The following TGFBR3 variants were observed in gnomAD, a reference collection of about 807,000 sequenced individuals.
TGFBR3 encodes the protein transforming growth factor beta receptor 3, also known as transforming growth factor beta receptor type 3.
A neutral mutation model predicts 87.9 loss-of-function variants in TGFBR3; 46 were observed. The observed-to-expected ratio is 0.52, with a 90% CI of 0.41 to 0.67. The LOEUF is 0.67. TGFBR3 is among the 30% of genes least tolerant of loss of function. The probability of loss-of-function intolerance (pLI) is 0.00; values close to 1 mark genes in which losing one functional copy is unlikely to be tolerated. For synonymous variants in TGFBR3, 381 were observed against 391.6 expected (o/e 0.97, Z 0.32); for missense variants, 866 against 1,041.9 (o/e 0.83, Z 2.32).
chr1:91,689,455 G>A (rs943754322), intron 16 of TGFBR3, among the ~76,000 whole-genome samples: 3 of 152,126 alleles, frequency 2.0e-5, no homozygotes, highest in South Asian at 2.1e-4. Context: ...CTAGAATAGC[G>A]TTGGCATTTA....
intron 7 of TGFBR3, among the ~76,000 whole-genome samples, chr1:91,723,641 G>A (rs1038558803): frequency 6.6e-6 from 1 of 152,124 alleles, no homozygotes; most frequent in Non-Finnish European, 1.5e-5. Flanking sequence ...ATCAGTTGCT[G>A]ACTCCTGTGG....
At chr1:91,850,742 C>A (rs1028931113) in intron 2 of TGFBR3, among the ~76,000 whole-genome samples, 1 of 145,694 alleles carries the variant, frequency 6.9e-6, no homozygotes, top group African/African-American at 2.6e-5. Context: ...GACTGCACTA[C>A]TGCACTCCAG....
chr1:91,729,802 T>C lies in TGFBR3; in HGVS notation c.737+3A>G, dbSNP rs746821788. ...TCACACTCACACACTTAGACTCACT[T>C]ACCTGTAGGGGTTAGAGTTGGGGGT... On this transcript the variant is annotated splice_donor_region_variant and intron_variant, in intron 6 of 16. Coordinates refer to ENST00000212355, the MANE Select transcript of TGFBR3 (RefSeq NM_003243.5). 6.2e-7 allele frequency: 1 copy of C among 1,614,166 alleles called. No individual in the cohort carries two copies.
At chr1:91,877,726 G>A (rs1452090605) in intron 1 of TGFBR3, among the ~76,000 whole-genome samples, 5 of 152,156 alleles carry the variant, frequency 3.3e-5, no homozygotes, top group African/African-American at 4.8e-5. Flanking sequence ...TACATCCAAT[G>A]GCTGTACAGC....
At chr1:91,773,723 T>G (rs770160496) in intron 3 of TGFBR3, among the ~76,000 whole-genome samples, 1 of 152,176 alleles carries the variant, frequency 6.6e-6, no homozygotes, top group African/African-American at 2.4e-5. Flanking sequence ...TCTCAATAAA[T>G]GAGTTGATGT....
At chr1:91,835,804 G>C (rs1677038290) in intron 2 of TGFBR3, among the ~76,000 whole-genome samples, 1 of 129,818 alleles carries the variant, frequency 7.7e-6, no homozygotes, top group African/African-American at 2.9e-5. Context: ...CTCCAGTCTG[G>C]GTGACAGAGC....
chr1:91,752,938 G>A (rs1416946886), intron 4 of TGFBR3, among the ~76,000 whole-genome samples: 1 of 151,072 alleles, frequency 6.6e-6, no homozygotes, highest in Non-Finnish European at 1.5e-5. Context: ...GAGGTGAGAG[G>A]ATGGTTTGAG....
At chr1:91,859,058 CAAA>C (rs200660883) in intron 2 of TGFBR3, among the ~76,000 whole-genome samples, 4 of 127,884 alleles carry the variant, frequency 3.1e-5, no homozygotes, top group Non-Finnish European at 5.1e-5. Flanking sequence ...GACTCTGTAT[CAAA>C]AAAAAAAAAA....
intron 7 of TGFBR3, among the ~76,000 whole-genome samples, chr1:91,727,208 C>A (rs1411639825): frequency 6.6e-6 from 1 of 152,326 alleles, no homozygotes. Flanking sequence ...ATGATGTGAG[C>A]TGGGGTCAGC....
chr1:91,800,324 G>GTATA (rs1340773362), intron 2 of TGFBR3, among the ~76,000 whole-genome samples: 1 of 95,412 alleles, frequency 1.0e-5, no homozygotes, highest in Non-Finnish European at 2.3e-5. Context: ...GTATATATAT[G>GTATA]TGTATATGTG....
chr1:91,802,767 C>T (rs1571526280), intron 2 of TGFBR3, among the ~76,000 whole-genome samples: 1 of 152,166 alleles, frequency 6.6e-6, no homozygotes, highest in East Asian at 1.9e-4. Flanking sequence ...AGGATCTTTA[C>T]CCCTCGTGCC....
chr1:91,852,084 A>G (rs1677757031), intron 2 of TGFBR3, among the ~76,000 whole-genome samples: 1 of 152,174 alleles, frequency 6.6e-6, no homozygotes, highest in African/African-American at 2.4e-5. Flanking sequence ...CCTTGTCTCT[A>G]CAAAAAATAC....
chr1:91,754,009 C>T (rs1194790965), intron 4 of TGFBR3, among the ~76,000 whole-genome samples: 4 of 152,214 alleles, frequency 2.6e-5, no homozygotes, highest in African/African-American at 4.8e-5. Context: ...TTCCCTACAG[C>T]TTTCACAACC....
In TGFBR3 at chr1:91,682,923, T is replaced by C. The variant is rs1359024076; in HGVS notation, c.*816A>G. On this transcript the variant is annotated 3_prime_UTR_variant, in exon 17 of 17. Coordinates refer to ENST00000212355, the MANE Select transcript of TGFBR3 (RefSeq NM_003243.5). ...CTGAATTTCACCTCAAATTATACAT[T>C]AATTTGCAGAACAAAATATTAGGAA... 1 of 453,812 alleles carries C rather than the reference T, an allele frequency of 2.2e-6. No homozygotes were observed. Among genetic ancestry groups the C allele is most frequent in the Non-Finnish European group, 4.4e-6 (1 of 226,266 alleles). 28.1% of individuals were successfully genotyped at this position (453,812 alleles called of 1,614,324 possible). A position where few individuals can be genotyped will look rare whatever the true frequency, so the allele number is the denominator to read the frequency against.
intron 3 of TGFBR3, among the ~76,000 whole-genome samples, chr1:91,794,513 T>TAA (rs71311982): frequency 6.6e-6 from 1 of 152,022 alleles, no homozygotes; most frequent in African/African-American, 2.4e-5. Flanking sequence ...TCCACTTTTT[T>TAA]AAAAAAACAT....
intron 15 of TGFBR3, among the ~76,000 whole-genome samples, chr1:91,697,704 G>T (rs915608236): frequency 2.0e-5 from 3 of 152,220 alleles, no homozygotes; most frequent in Admixed American, 2.0e-4. Flanking sequence ...CCTCTGAGCA[G>T]ATAAATATTG....
At chr1:91,895,370 T>C (rs1324661909) in intron 2 of TGFBR3, among the ~76,000 whole-genome samples, 10 of 152,220 alleles carry the variant, frequency 6.6e-5, no homozygotes, top group African/African-American at 2.4e-4. Context: ...TCTGCCAAGA[T>C]TGGCAGCTTC....
chr1:91,808,271 A>G lies in TGFBR3; in HGVS notation c.62-10800T>C, dbSNP rs575000466. Among the ~76,000 whole-genome samples, 14 of 152,268 alleles carry G rather than the reference A, an allele frequency of 9.2e-5. No homozygotes were observed. The East Asian group carries it at 2.5e-3, about 27-fold the overall frequency. ...ACCAGACCCCCATCTCTTTAAAAAA[A>G]TTTTTTTAATTAAATTAAACTATGC... On this transcript the variant is annotated intron_variant, in intron 2 of 16. Coordinates refer to ENST00000212355, the MANE Select transcript of TGFBR3 (RefSeq NM_003243.5).
In TGFBR3 at chr1:91,758,717, G is replaced by A. The variant is rs1246318538; in HGVS notation, c.280C>T (p.His94Tyr). ...AACACAACAGACTTGTGGTGGATGT[G>A]GACTGAGGAGATGGGATTCAGGTGA... ...TLHLNPISSV[H>Y]IHHKSVVFLL... is the part of the protein sequence containing the mutation. The change falls in exon 4 of 17, where the codon CAC becomes TAC. Residue 94 changes from histidine to tyrosine, a missense_variant. Transcript: ENST00000212355. 2 of 1,613,936 alleles carry A rather than the reference G, an allele frequency of 1.2e-6. No homozygotes were observed. The highest frequency in any genetic ancestry group is 2.2e-5 in the South Asian group (2 of 91,058).
Sources: gnomAD v4.1 joint callset for allele counts (sites outside exome capture counted in the v4.1 genomes callset) on GRCh38, gnomAD v4.1.1 for gene constraint, MANE v1.5 for transcripts, NCBI Gene and HGNC (gene_info 2026-07-23, HGNC 2026-07-21) for gene names.